Variants in TBCD observed in about 807,000 individuals in gnomAD.
The protein encoded by TBCD is tubulin folding cofactor D, also known as tubulin-specific chaperone D.
Under a neutral mutation model 169.3 loss-of-function variants are expected in TBCD, and 105 were observed. The observed-to-expected ratio is 0.62, with a 90% CI of 0.53 to 0.73. TBCD has a LOEUF of 0.73. TBCD is among the 30% of genes least tolerant of loss of function. TBCD has a pLI of 0.00. For missense variants in TBCD, 1,444 were observed against 1,600.1 expected (o/e 0.90, Z 1.66); for synonymous variants, 700 against 643.9 (o/e 1.09, Z -1.32).
chr17:82,929,029 C>A, intron 30 of TBCD, 84 bp from the exon 31 acceptor site: 1 of 1,512,418 alleles, frequency 6.6e-7, no homozygotes, highest in Non-Finnish European at 8.9e-7. Flanking sequence ...GCTGGAGTCA[C>A]GGCTCGGACC....
In TBCD at chr17:82,930,477, A is replaced by G. The variant is rs2062107504; in HGVS notation, c.2992-45A>G. The G allele has an allele frequency of 6.2e-7, 1 of 1,600,098 alleles. No homozygotes were observed. Among genetic ancestry groups the G allele is most frequent in the Non-Finnish European group, 8.5e-7 (1 of 1,174,552 alleles). On this transcript the variant is annotated intron_variant, in intron 32 of 38. Coordinates refer to ENST00000355528, the MANE Select transcript of TBCD (RefSeq NM_005993.5). The surrounding 1 kb of genome is among the most constrained non-coding windows in gnomAD (Gnocchi z 5.2). ...GCTGTAGCCAAGCCTGAGGGGTGGC[A>G]GGCTCGGGGGTCCCACTGCCTTCTG... is the stretch of plus-strand genomic sequence containing the variant.
intron 13 of TBCD, chr17:82,860,296 AT>A (rs1255035428): frequency 2.2e-6 from 2 of 905,166 alleles, no homozygotes; most frequent in Admixed American, 6.2e-5. Flanking sequence ...CGCCCCCTGC[AT>A]GGCGGTCACG....
chr17:82,851,535 T>C (rs1397163381), intron 13 of TBCD, among the ~76,000 whole-genome samples: 1 of 152,188 alleles, frequency 6.6e-6, no homozygotes, highest in African/African-American at 2.4e-5. Flanking sequence ...CGAGGTTCTC[T>C]CTGGCCCTGG....
chr17:82,807,336 G>A (rs1405137558), intron 10 of TBCD, among the ~76,000 whole-genome samples: 1 of 152,226 alleles, frequency 6.6e-6, no homozygotes, highest in East Asian at 1.9e-4. Flanking sequence ...CTTGATGTTG[G>A]CCTTCCCCTG....
intron 13 of TBCD, among the ~76,000 whole-genome samples, chr17:82,862,089 ATTT>A: frequency 6.6e-6 from 1 of 151,888 alleles, no homozygotes; most frequent in East Asian, 1.9e-4. Flanking sequence ...TGCCCGGCTA[ATTT>A]TTTGTATTTT....
At chr17:82,841,108 A>T (rs2054487261) in intron 13 of TBCD, among the ~76,000 whole-genome samples, 1 of 150,586 alleles carries the variant, frequency 6.6e-6, no homozygotes, top group African/African-American at 2.4e-5. Context: ...ACGCCCGGCT[A>T]ATTTTTTGTA....
At chr17:82,906,086 C>A in intron 20 of TBCD, 33 bp downstream of exon 20, 1 of 1,498,470 alleles carries the variant, frequency 6.7e-7, no homozygotes, top group Non-Finnish European at 9.2e-7. Context: ...AGACACAGGG[C>A]TCTGTCCCTG....
Position 82,941,465 on chromosome 17 carries a change from GC to G in TBCD, c.3550del (p.Gln1184SerfsTer97). 1 of 1,599,806 alleles carries G rather than the reference GC, an allele frequency of 6.3e-7. No individual in the cohort carries two copies. On this transcript the variant is annotated frameshift_variant, in exon 38 of 39. Coordinates refer to ENST00000355528, the MANE Select transcript of TBCD (RefSeq NM_005993.5). LOFTEE classifies it high-confidence loss of function. ...TGTGTGACCTTCTGGGCGTACCCAGGCCCCAGCTGGTGCCCCAGGTAACCCT... is the reference window on the plus strand; with the variant it reads ...TGTGTGACCTTCTGGGCGTACCCAGGCCCAGCTGGTGCCCCAGGTAACCCT... ...RLCDLLGVPR[P>X]QLVPQPGAC
chr17:82,805,119 C>T (rs774300197), intron 9 of TBCD, among the ~76,000 whole-genome samples: 35 of 152,266 alleles, frequency 2.3e-4, no homozygotes, highest in Non-Finnish European at 1.6e-4. Flanking sequence ...GCTGTGTACG[C>T]GGGGGCCTTG....
At chr17:82,862,982 T>C (rs1167357660) in intron 13 of TBCD, among the ~76,000 whole-genome samples, 2 of 152,190 alleles carry the variant, frequency 1.3e-5, no homozygotes, top group African/African-American at 4.8e-5. Context: ...GCGGTGTGGC[T>C]GGGGAGAGGA....
At chr17:82,769,937 A>C (rs1213545590) in intron 5 of TBCD, among the ~76,000 whole-genome samples, 8 of 152,106 alleles carry the variant, frequency 5.3e-5, no homozygotes, top group Admixed American at 1.3e-4. Context: ...TCAGTGATTA[A>C]TTAACTGTGA....
In TBCD at chr17:82,880,495, T is replaced by TA. The variant is rs1487694809; in HGVS notation, c.1476-3649dup. On this transcript the variant is annotated intron_variant, in intron 14 of 38. Coordinates refer to ENST00000355528, the MANE Select transcript of TBCD (RefSeq NM_005993.5). The surrounding 1 kb of genome is among the most constrained non-coding windows in gnomAD (Gnocchi z 5.0). ...TGCTGAAGACAAGGGTGGGGACAGATATGCTGTGACCAGGGTAGTTGGGCT... is the reference window on the plus strand; with the variant it reads ...TGCTGAAGACAAGGGTGGGGACAGATAATGCTGTGACCAGGGTAGTTGGGCT... Among the ~76,000 whole-genome samples, 7 of 152,232 alleles carry TA rather than the reference T, an allele frequency of 4.6e-5. No homozygotes were observed. The highest frequency in any genetic ancestry group is 4.6e-4 in the Admixed American group (7 of 15,286).
rs1022786886 is a variant in TBCD at position 82,942,577 on chromosome 17, C to T, written c.*114C>T. 6.8e-7 allele frequency: 1 copy of T among 1,477,210 alleles called. No individual in the cohort carries two copies. The highest frequency in any genetic ancestry group is 9.4e-7 in the Non-Finnish European group (1 of 1,066,898). 91.5% of individuals were successfully genotyped at this position (1,477,210 alleles called of 1,614,324 possible). ...TGCCTCCAGCTGTTGAAGGGTAGCG[C>T]TGGCCCTTGGAGGCTGGCACTAGCT... On this transcript the variant is annotated 3_prime_UTR_variant, in exon 39 of 39. Coordinates refer to ENST00000355528, the MANE Select transcript of TBCD (RefSeq NM_005993.5).
chr17:82,829,795 G>A lies in TBCD; in HGVS notation c.1318+14861G>A, dbSNP rs571419361. The A allele has an allele frequency of 2.9e-5, 8 of 271,792 alleles. No individual in the cohort carries two copies. The East Asian group carries it at 4.7e-4, about 16-fold the overall frequency. The allele number at this position is 271,792 out of a possible 1,614,324, so 16.8% of individuals were successfully genotyped here. On this transcript the variant is annotated intron_variant, in intron 13 of 38. Coordinates refer to ENST00000355528, the MANE Select transcript of TBCD (RefSeq NM_005993.5). The stretch of plus-strand genomic sequence containing the variant: ...CATTTACATCAAATATGCAGCTAGA[G>A]CTAATAGAAAAACAGTTAAAACAAT...
rs565264407 is a variant in TBCD, at chr17:82,808,149, TG to T, written c.1148+485del. ...AGTGGAGGTCGTGGGGCAGATCCAG[TG>T]GGGCCTGGCCTTGAACACAACAGGT... On this transcript the variant is annotated intron_variant, in intron 11 of 38. Transcript: ENST00000355528. Among the ~76,000 whole-genome samples the T allele has an allele frequency of 1.5e-3, 221 of 152,216 alleles. 9 individuals are homozygous for T. The South Asian group carries it at 0.044, about 30-fold the overall frequency.
chr17:82,755,289 T>C (rs1425864717), intron 1 of TBCD, among the ~76,000 whole-genome samples: 1 of 152,200 alleles, frequency 6.6e-6, no homozygotes, highest in African/African-American at 2.4e-5. Flanking sequence ...GAGAATAGAT[T>C]GTAAATGCTT....
chr17:82,929,970 C>T (rs974529570), intron 32 of TBCD: 1 of 304,096 alleles, frequency 3.3e-6, no homozygotes, highest in African/African-American at 2.1e-5. Flanking sequence ...TCACTCGTGG[C>T]CCCTGCACCT....
chr17:82,781,084 C>G (rs979800853), intron 6 of TBCD, among the ~76,000 whole-genome samples: 3 of 151,928 alleles, frequency 2.0e-5, no homozygotes, highest in Non-Finnish European at 2.9e-5. Context: ...TGGGGCTACA[C>G]GAGCAGCTGG....
chr17:82,870,582 C>A (rs1375448321), intron 14 of TBCD, among the ~76,000 whole-genome samples: 1 of 152,220 alleles, frequency 6.6e-6, no homozygotes, highest in Non-Finnish European at 1.5e-5. Flanking sequence ...TGTGGAGGAA[C>A]ATTCTGGAGG....
Sources: allele counts gnomAD v4.1 joint callset (sites outside exome capture counted in the v4.1 genomes callset), GRCh38; gene constraint gnomAD v4.1.1; non-coding constraint Gnocchi (gnomAD v3.1); transcripts MANE v1.5; gene names NCBI Gene and HGNC (gene_info 2026-07-23, HGNC 2026-07-21).